FSIP1: variants seen among roughly 807,000 people sequenced by gnomAD.
FSIP1 encodes fibrous sheath-interacting protein 1.
A neutral mutation model predicts 60.9 loss-of-function variants in FSIP1; 65 were observed. The ratio of observed to expected loss-of-function variants is 1.07; its 90% CI spans 0.87 to 1.31. The LOEUF (loss-of-function observed/expected upper bound fraction) is 1.31. Ranked by LOEUF, FSIP1 falls within the 40% of genes most tolerant of loss-of-function variation. The pLI is 0.00. For synonymous variants in FSIP1, 209 were observed against 221.2 expected (o/e 0.94, Z 0.49); for missense variants, 675 against 665.5 (o/e 1.01, Z -0.16).
chr15:39,671,275 C>A (rs1203929382), intron 10 of FSIP1, among the ~76,000 whole-genome samples: 1 of 151,864 alleles, frequency 6.6e-6, no homozygotes, highest in Non-Finnish European at 1.5e-5. Context: ...TTTTTTTTCA[C>A]GTTTTCCATC....
intron 10 of FSIP1, among the ~76,000 whole-genome samples, chr15:39,710,851 T>C (rs767225713): frequency 1.3e-5 from 2 of 152,246 alleles, no homozygotes; most frequent in South Asian, 2.1e-4. Context: ...TTAGTATCTG[T>C]AAAATACTTG....
At chr15:39,725,550 A>G (rs78642561) in intron 9 of FSIP1, among the ~76,000 whole-genome samples, 1 of 152,352 alleles carries the variant, frequency 6.6e-6, no homozygotes, top group Non-Finnish European at 1.5e-5. Context: ...AGGATTACCT[A>G]TAGGCTACTG....
intron 10 of FSIP1, among the ~76,000 whole-genome samples, chr15:39,686,286 A>C (rs1045370882): frequency 1.3e-5 from 2 of 152,252 alleles, no homozygotes; most frequent in Non-Finnish European, 2.9e-5. Context: ...GCCTTCCCAA[A>C]GTATTAGCAG....
chr15:39,702,053 C>T (rs1194875907), intron 10 of FSIP1, among the ~76,000 whole-genome samples: 1 of 152,146 alleles, frequency 6.6e-6, no homozygotes, highest in Non-Finnish European at 1.5e-5. Flanking sequence ...GCAGGCTTAT[C>T]GTTGGTAACT....
At chr15:39,750,326 G>T (rs1333754993) in intron 5 of FSIP1, among the ~76,000 whole-genome samples, 3 of 151,702 alleles carry the variant, frequency 2.0e-5, no homozygotes, top group Non-Finnish European at 2.9e-5. Context: ...GACCCCAAAT[G>T]GCCAAAGCAA....
intron 5 of FSIP1, 125 bp from the exon 6 acceptor site, chr15:39,742,025 T>C (rs191621939): frequency 4.6e-5 from 26 of 560,496 alleles, no homozygotes; most frequent in African/African-American, 2.2e-4. Flanking sequence ...TCCACACACA[T>C]AAATTTCTTA....
At chr15:39,648,171 A>G (rs1489359222) in intron 10 of FSIP1, among the ~76,000 whole-genome samples, 1 of 98,316 alleles carries the variant, frequency 1.0e-5, no homozygotes, top group African/African-American at 5.8e-5. Flanking sequence ...AGTATAATAA[A>G]AAAAAAAAGA....
At chr15:39,778,924 A>C (rs1235675019) in intron 1 of FSIP1, among the ~76,000 whole-genome samples, 3 of 152,172 alleles carry the variant, frequency 2.0e-5, no homozygotes, top group Non-Finnish European at 2.9e-5. Context: ...GTAAAGATAA[A>C]TTTCATAATT....
At position 39,602,161 on chromosome 15, in the gene FSIP1, G is replaced by A. The variant is rs555519859; in HGVS notation, c.1700-1235C>T. Among the ~76,000 whole-genome samples the A allele has an allele frequency of 1.5e-4, 23 of 152,208 alleles. No individual in the cohort carries two copies. The South Asian group carries it at 3.1e-3, about 21-fold the overall frequency. ...AAGAAGATCATCCTGGATTCTCTGG[G>A]TGGGCCCTATATTCAATAAGAAGTG... On this transcript the variant is annotated intron_variant, in intron 11 of 11. Coordinates refer to ENST00000350221, the MANE Select transcript of FSIP1 (RefSeq NM_152597.5).
chr15:39,717,199 T>C (rs936773399), intron 9 of FSIP1, among the ~76,000 whole-genome samples: 53 of 152,176 alleles, frequency 3.5e-4, no homozygotes, highest in African/African-American at 1.2e-3. Flanking sequence ...AATTAAAATA[T>C]ATAACTAAAG....
At chr15:39,734,301 T>C (rs1896528202) in intron 8 of FSIP1, among the ~76,000 whole-genome samples, 1 of 152,106 alleles carries the variant, frequency 6.6e-6, no homozygotes, top group Non-Finnish European at 1.5e-5. Flanking sequence ...TCAAAAAAGT[T>C]CCAGAAAAAT....
At chr15:39,611,971 T>C (rs182204803) in intron 11 of FSIP1, among the ~76,000 whole-genome samples, 38 of 152,262 alleles carry the variant, frequency 2.5e-4, no homozygotes, top group African/African-American at 9.1e-4. Flanking sequence ...GAGGACATAA[T>C]TGTAAACATA....
At chr15:39,606,196 C>T (rs574570495) in intron 11 of FSIP1, among the ~76,000 whole-genome samples, 1 of 152,322 alleles carries the variant, frequency 6.6e-6, no homozygotes, top group East Asian at 1.9e-4. Flanking sequence ...CTGAGGATTT[C>T]CTGGAACATG....
intron 10 of FSIP1, among the ~76,000 whole-genome samples, chr15:39,649,373 C>T (rs1332394874): frequency 6.6e-6 from 1 of 152,096 alleles, no homozygotes; most frequent in Non-Finnish European, 1.5e-5. Context: ...TATAAGTTTC[C>T]GAGTAGAAAT....
At chr15:39,735,383 C>T (rs1217158665) in intron 8 of FSIP1, among the ~76,000 whole-genome samples, 2 of 152,112 alleles carry the variant, frequency 1.3e-5, no homozygotes, top group African/African-American at 4.8e-5. Context: ...TGATTGTTAA[C>T]ACAATAGGAA....
chr15:39,614,136 T>G lies in FSIP1; in HGVS notation c.1699+3599A>C, dbSNP rs186879952. Among the ~76,000 whole-genome samples, 68 of 152,148 alleles carry G rather than the reference T, an allele frequency of 4.5e-4. 1 individual carries two copies. Among genetic ancestry groups the G allele is most frequent in the Admixed American group, 1.2e-3 (18 of 15,290 alleles). On this transcript the variant is annotated intron_variant, in intron 11 of 11. Transcript: ENST00000350221. ...CTAATAGGAAATGAAGAAATGAAAC[T>G]ATCTCTCTTTGCTGATGACATGATC...
chr15:39,774,902 G>A (rs1267613477), intron 2 of FSIP1, among the ~76,000 whole-genome samples: 1 of 152,210 alleles, frequency 6.6e-6, no homozygotes, highest in Non-Finnish European at 1.5e-5. Flanking sequence ...CTCTGGTGGC[G>A]TGACCTGAGA....
At chr15:39,775,227 G>C (rs1198084664) in intron 2 of FSIP1, among the ~76,000 whole-genome samples, 1 of 151,884 alleles carries the variant, frequency 6.6e-6, no homozygotes, top group Non-Finnish European at 1.5e-5. Flanking sequence ...ATGTTGCCCA[G>C]GCTTTAACTC....
chr15:39,609,323 T>C (rs1263111365), intron 11 of FSIP1, among the ~76,000 whole-genome samples: 1 of 152,168 alleles, frequency 6.6e-6, no homozygotes, highest in African/African-American at 2.4e-5. Context: ...CTAGCTCTGG[T>C]GCTCTCCTTA....
Sources: gnomAD v4.1 joint callset for allele counts (sites outside exome capture counted in the v4.1 genomes callset) on GRCh38, gnomAD v4.1.1 for gene constraint, MANE v1.5 for transcripts, NCBI Gene and HGNC (gene_info 2026-07-23, HGNC 2026-07-21) for gene names.